SP100: variants seen among roughly 807,000 people sequenced by gnomAD.
The protein encoded by SP100 is SP100 nuclear body protein, also known as nuclear autoantigen Sp-100.
Under a neutral mutation model 130.0 loss-of-function variants are expected in SP100, and 84 were observed. That is an observed-to-expected ratio of 0.65 (90% CI 0.54 to 0.77). SP100 has a LOEUF of 0.77. Ranked by LOEUF, SP100 falls within the 30% of genes least tolerant of loss-of-function variation. SP100 has a pLI of 0.00. For synonymous variants in SP100, 331 were observed against 351.7 expected, an observed-to-expected ratio of 0.94 and a Z score of 0.66; for missense variants, 978 against 1,052.2, an observed-to-expected ratio of 0.93 and a Z score of 0.97.
At chr2:230,471,530 G>A (rs1649886) in intron 15 of SP100, among the ~76,000 whole-genome samples, 35,620 of 152,056 alleles carry the variant, frequency 0.23, 5,066 homozygotes, top group Non-Finnish European at 0.33. Flanking sequence ...TGGAGAAGCC[G>A]ATTATGATGT....
intron 24 of SP100, among the ~76,000 whole-genome samples, chr2:230,524,295 G>A (rs1691318831): frequency 2.1e-5 from 3 of 143,818 alleles, no homozygotes; most frequent in African/African-American, 7.6e-5. Flanking sequence ...GGCAGAAGTT[G>A]TAATTAGCAA....
At chr2:230,461,531 G>A in intron 9 of SP100, 117 bp downstream of exon 9, 1 of 999,876 alleles carries the variant, frequency 1.0e-6, no homozygotes, top group Non-Finnish European at 1.5e-6. Context: ...AGGCAGGAAG[G>A]GAAAGGGGCT....
Position 230,418,052 on chromosome 2 carries a change from G to A in SP100, c.107+387G>A, listed in dbSNP as rs1452122382. Among the ~76,000 whole-genome samples the A allele has an allele frequency of 2.0e-5, 3 of 152,060 alleles. No individual in the cohort carries two copies. The East Asian group carries it at 5.8e-4, about 29-fold the overall frequency. On this transcript the variant is annotated intron_variant, in intron 2 of 28. Transcript: ENST00000340126. Reference sequence around the variant, plus strand: ...TTTACAATTATTTCTGTGTTAAGGTGGCAGATTCGCTGCTACCGCTATTCC... The same window carrying A: ...TTTACAATTATTTCTGTGTTAAGGTAGCAGATTCGCTGCTACCGCTATTCC...
intron 17 of SP100, among the ~76,000 whole-genome samples, chr2:230,484,463 A>C (rs1250267675): frequency 6.6e-6 from 1 of 152,218 alleles, no homozygotes; most frequent in Non-Finnish European, 1.5e-5. Flanking sequence ...TAAATTTATA[A>C]ATAAACATAG....
intron 2 of SP100, among the ~76,000 whole-genome samples, chr2:230,428,854 A>G (rs544180830): frequency 2.1e-4 from 32 of 152,332 alleles, no homozygotes; most frequent in Admixed American, 9.1e-4. Context: ...CCCTCCCCCA[A>G]CACTGGGGAT....
chr2:230,473,509 G>A, intron 16 of SP100, 69 bp downstream of exon 16: 1 of 922,424 alleles, frequency 1.1e-6, no homozygotes, highest in Non-Finnish European at 1.8e-6. Flanking sequence ...GTAGGGATGT[G>A]GGAAGTGATC....
In SP100 at chr2:230,440,516, C is replaced by T. The variant is rs150392658; in HGVS notation, c.108-2421C>T. On this transcript the variant is annotated intron_variant, in intron 2 of 28. Coordinates refer to ENST00000340126, the MANE Select transcript of SP100 (RefSeq NM_001080391.2). ...TAAATTTAATGAAAGATGTACATGA[C>T]TTCTAAAAACTATAAGCAGTGCTGG... is the stretch of plus-strand genomic sequence containing the variant. The T allele has an allele frequency of 2.2e-3, 2,857 of 1,318,022 alleles. 53 individuals are homozygous for T. The African/African-American group carries it at 0.04, about 18-fold the overall frequency. The allele number at this position is 1,318,022 out of a possible 1,614,324, so 81.6% of individuals were successfully genotyped here. A position where few individuals can be genotyped will look rare whatever the true frequency, so the allele number is the denominator to read the frequency against.
At chr2:230,532,301 G>T (rs1403652534) in intron 24 of SP100, among the ~76,000 whole-genome samples, 7 of 151,842 alleles carry the variant, frequency 4.6e-5, no homozygotes, top group Non-Finnish European at 8.8e-5. Context: ...GGTGAGAATA[G>T]AAATGTTTAA....
chr2:230,461,341 G>C lies in SP100; in HGVS notation c.900G>C (p.Lys300Asn). The C allele has an allele frequency of 1.2e-6, 2 of 1,614,108 alleles. No individual in the cohort carries two copies. The highest frequency in any genetic ancestry group is 1.7e-6 in the Non-Finnish European group (2 of 1,179,986). ...GACTGGTGGATATAAAAAAGGAAAAGCCATTTTCTAATTCAAAAGTTGAGT... is the reference window on the plus strand; with the variant it reads ...GACTGGTGGATATAAAAAAGGAAAACCCATTTTCTAATTCAAAAGTTGAGT... The part of the protein sequence containing the change: ...SVRLVDIKKE[K>N]PFSNSKVECQ... The change falls in exon 9 of 29, where the codon AAG (lysine) becomes AAC (asparagine). Residue 300 changes from lysine to asparagine, a missense_variant. Coordinates refer to ENST00000340126, the MANE Select transcript of SP100 (RefSeq NM_001080391.2).
chr2:230,490,798 A>G (rs1267218646), intron 17 of SP100, among the ~76,000 whole-genome samples: 1 of 152,116 alleles, frequency 6.6e-6, no homozygotes, highest in Non-Finnish European at 1.5e-5. Flanking sequence ...TTTTTTAAGA[A>G]TGTTGAATAT....
At chr2:230,481,822 G>A (rs911195707) in intron 17 of SP100, among the ~76,000 whole-genome samples, 1 of 152,158 alleles carries the variant, frequency 6.6e-6, no homozygotes, top group African/African-American at 2.4e-5. Flanking sequence ...AATAAACCAA[G>A]TAGTGTTCAG....
chr2:230,474,432 C>T lies in SP100; in HGVS notation c.1585C>T (p.His529Tyr). ...DVENNSTLEKHSGKRRKKRRH... is the reference protein window; with the variant it reads ...DVENNSTLEKYSGKRRKKRRH... ...TGAAAACAATTCTACTTTGGAAAAA[C>T]ACAGTGGGAAAAGAAGTAAGAACAA... The change falls in exon 17 of 29, where the codon CAC becomes TAC. Residue 529 changes from histidine (H) to tyrosine (Y), a missense_variant. Coordinates refer to ENST00000340126, the MANE Select transcript of SP100 (RefSeq NM_001080391.2). The T allele has an allele frequency of 6.6e-7, 1 of 1,507,816 alleles. No individual in the cohort carries two copies. Among genetic ancestry groups the T allele is most frequent in the Non-Finnish European group, 9.2e-7 (1 of 1,090,762 alleles). The allele number at this position is 1,507,816 out of a possible 1,614,324, so 93.4% of individuals were successfully genotyped here. A position where few individuals can be genotyped will look rare whatever the true frequency, so the allele number is the denominator to read the frequency against.
At position 230,542,929 on chromosome 2, in the gene SP100, A is replaced by G; in HGVS notation, c.2641A>G (p.Ile881Val). 6.3e-7 allele frequency: 1 copy of G among 1,591,406 alleles called. No individual in the cohort carries two copies. The highest frequency in any genetic ancestry group is 8.6e-7 in the Non-Finnish European group (1 of 1,159,344). Residue 881 changes from isoleucine (I) to valine (V), a missense_variant, in exon 29 of 29, where the codon ATT (isoleucine) becomes GTT (valine). Physicochemically the swap from Ile to Val is conservative, Grantham distance 29 (BLOSUM62 3). Coordinates refer to ENST00000340126, the MANE Select transcript of SP100 (RefSeq NM_001080391.2). ...TGCAATTCAGGAAACAAGCAAGAAC[A>G]TTATAATGTTTATTTAGCCATTCTT... The part of the protein sequence containing the change: ...IFAIQETSKN[I>V]IMFI
chr2:230,494,339 T>C, intron 17 of SP100, 77 bp from the exon 18 acceptor site: 1 of 1,123,466 alleles, frequency 8.9e-7, no homozygotes, highest in Non-Finnish European at 1.3e-6. Context: ...TCAATGCTTG[T>C]AAACTATTGA....
At chr2:230,492,917 G>A (rs2066466046) in intron 17 of SP100, among the ~76,000 whole-genome samples, 1 of 152,160 alleles carries the variant, frequency 6.6e-6, no homozygotes, top group African/African-American at 2.4e-5. Flanking sequence ...AAATGTTGCT[G>A]TGGAAAATTC....
rs549390346 is a variant in SP100 at position 230,531,239 on chromosome 2, A to G, written c.2095-8028A>G. ...ATACACCATGGAATACTATGCAGCC[A>G]TAAAAAAGGATGAGTTTGTGTCCTT... On this transcript the variant is annotated intron_variant, in intron 24 of 28. Transcript: ENST00000340126. Among the ~76,000 whole-genome samples, 8 of 152,366 alleles carry G rather than the reference A, an allele frequency of 5.3e-5. No individual in the cohort carries two copies. In the East Asian group the frequency reaches 1.5e-3, roughly 29 times the overall value.
At chr2:230,456,065 C>A (rs1163329273) in intron 8 of SP100, among the ~76,000 whole-genome samples, 2 of 152,124 alleles carry the variant, frequency 1.3e-5, no homozygotes, top group Admixed American at 1.3e-4. Context: ...CTTCTTTCAG[C>A]TTGAGCATTT....
chr2:230,541,353 T>C lies in SP100; in HGVS notation c.2384T>C (p.Phe795Ser), dbSNP rs1692168469. Residue 795 changes from phenylalanine (F) to serine (S), a missense_variant, in exon 27 of 29, where the codon TTC (phenylalanine) becomes TCC (serine). Phe to Ser is a radical substitution (Grantham distance 155, BLOSUM62 -2). Coordinates refer to ENST00000340126, the MANE Select transcript of SP100 (RefSeq NM_001080391.2). ...TACTGTGATTCGAAAAGCTGCTTTT[T>C]CGCCTCAGAACCGTATTATGTAAGT... ...KVYCDSKSCF[F>S]ASEPYYNREG... is the part of the protein sequence containing the mutation. 1 of 1,614,070 alleles carries C rather than the reference T, an allele frequency of 6.2e-7. No homozygotes were observed. Among genetic ancestry groups the C allele is most frequent in the Non-Finnish European group, 8.5e-7 (1 of 1,179,908 alleles).
At chr2:230,500,848 T>C (rs1442583610) in intron 19 of SP100, among the ~76,000 whole-genome samples, 1 of 152,134 alleles carries the variant, frequency 6.6e-6, no homozygotes, top group Non-Finnish European at 1.5e-5. Flanking sequence ...AACTGATCGA[T>C]CTAGAGCAAT....
Sources: gnomAD v4.1 joint callset for allele counts (sites outside exome capture counted in the v4.1 genomes callset) on GRCh38, gnomAD v4.1.1 for gene constraint, MANE v1.5 for transcripts, NCBI Gene and HGNC (gene_info 2026-07-23, HGNC 2026-07-21) for gene names.